The following SHISA9 variants were observed in gnomAD, a reference collection of about 807,000 sequenced individuals.
SHISA9 encodes protein shisa-9.
A neutral mutation model predicts 38.0 loss-of-function variants in SHISA9; 13 were observed. The observed-to-expected ratio is 0.34, with a 90% CI of 0.22 to 0.54. SHISA9 has a LOEUF of 0.54. Among genes scored for constraint, SHISA9 ranks in the 20% least tolerant of loss-of-function variants. SHISA9 has a pLI of 0.91. For missense variants in SHISA9, 538 were observed against 575.8 expected, an observed-to-expected ratio of 0.93 and a Z score of 0.67; for synonymous variants, 275 against 242.0, an observed-to-expected ratio of 1.14 and a Z score of -1.27.
At chr16:13,254,302 T>G in the SHISA9 span, among the ~76,000 whole-genome samples, 3 of 152,198 alleles carry the variant, frequency 2.0e-5, no homozygotes, top group Non-Finnish European at 4.4e-5. Context: ...CTCAAGTCTA[T>G]CATCTGGTCC....
chr16:13,380,533 C>T, the SHISA9 span, among the ~76,000 whole-genome samples: 1 of 152,134 alleles, frequency 6.6e-6, no homozygotes, highest in Non-Finnish European at 1.5e-5. Context: ...TTCAAACTAT[C>T]GATCAAGTAT....
chr16:13,366,643 G>A, the SHISA9 span, among the ~76,000 whole-genome samples: 1 of 151,976 alleles, frequency 6.6e-6, no homozygotes, highest in Admixed American at 6.6e-5. Context: ...AGGAGTTTGA[G>A]ACCAGCCTGG....
chr16:13,060,637 CAAAAAAAAAAA>C (rs5815739), intron 2 of SHISA9, among the ~76,000 whole-genome samples: 1 of 86,564 alleles, frequency 1.2e-5, no homozygotes, highest in African/African-American at 4.7e-5. Context: ...GACCCCATCT[CAAAAAAAAAAA>C]AAAAAAAAAA....
At chr16:12,941,416 G>T (rs987542096) in intron 2 of SHISA9, among the ~76,000 whole-genome samples, 1 of 152,074 alleles carries the variant, frequency 6.6e-6, no homozygotes, top group Non-Finnish European at 1.5e-5. Context: ...TATTTGTGGG[G>T]TACATGATAT....
the SHISA9 span, among the ~76,000 whole-genome samples, chr16:13,251,600 G>A: frequency 6.6e-6 from 1 of 152,152 alleles, no homozygotes; most frequent in East Asian, 1.9e-4. Context: ...GCTCCTCAGA[G>A]GGTCCTAGTG....
intron 2 of SHISA9, among the ~76,000 whole-genome samples, chr16:13,053,360 A>G (rs2073274496): frequency 6.6e-6 from 1 of 151,862 alleles, no homozygotes; most frequent in Non-Finnish European, 1.5e-5. Flanking sequence ...TTTCATTTCC[A>G]TTACCTCCAG....
the SHISA9 span, among the ~76,000 whole-genome samples, chr16:13,382,855 C>G: frequency 6.6e-6 from 1 of 152,016 alleles, no homozygotes; most frequent in African/African-American, 2.4e-5. Flanking sequence ...GAGACTCTGT[C>G]TTAAAACAAA....
chr16:13,176,464 C>T (rs1442976451), intron 2 of SHISA9, among the ~76,000 whole-genome samples: 1 of 152,240 alleles, frequency 6.6e-6, no homozygotes, highest in African/African-American at 2.4e-5. Context: ...CTCTTTAGAA[C>T]CTGGATCTTA....
intron 2 of SHISA9, among the ~76,000 whole-genome samples, chr16:12,976,517 A>G (rs2072163879): frequency 6.6e-6 from 1 of 152,138 alleles, no homozygotes; most frequent in Non-Finnish European, 1.5e-5. Context: ...ACTAATTCCT[A>G]TTCCGCTCCT....
intron 2 of SHISA9, among the ~76,000 whole-genome samples, chr16:12,940,437 C>G (rs2141756588): frequency 6.8e-6 from 1 of 147,838 alleles, no homozygotes; most frequent in East Asian, 2.1e-4. Context: ...AATGACCCCC[C>G]ATCTCTCTCT....
chr16:12,963,681 T>C (rs2071940285), intron 2 of SHISA9, among the ~76,000 whole-genome samples: 1 of 152,226 alleles, frequency 6.6e-6, no homozygotes, highest in Non-Finnish European at 1.5e-5. Context: ...AGGGATTATA[T>C]AACTGGCTTA....
At chr16:12,947,973 T>C (rs2071708646) in intron 2 of SHISA9, among the ~76,000 whole-genome samples, 1 of 152,176 alleles carries the variant, frequency 6.6e-6, no homozygotes, top group Non-Finnish European at 1.5e-5. Flanking sequence ...TGGATCACAT[T>C]TGAGAAAGCA....
chr16:13,511,077 A>G, the SHISA9 span, among the ~76,000 whole-genome samples: 1 of 152,228 alleles, frequency 6.6e-6, no homozygotes, highest in Non-Finnish European at 1.5e-5. Context: ...ATCTTGGCTA[A>G]AGACCAAATA....
intron 2 of SHISA9, among the ~76,000 whole-genome samples, chr16:13,003,560 A>C (rs2072552781): frequency 6.6e-6 from 1 of 152,154 alleles, no homozygotes. Flanking sequence ...AACGACAGCA[A>C]ATAATGATGA....
chr16:13,526,994 C>T, the SHISA9 span, among the ~76,000 whole-genome samples: 2 of 152,050 alleles, frequency 1.3e-5, no homozygotes, highest in African/African-American at 4.8e-5. Flanking sequence ...AAGGAAATGC[C>T]CTTTCCCCTT....
chr16:13,373,760 C>CA, the SHISA9 span, among the ~76,000 whole-genome samples: 319 of 119,142 alleles, frequency 2.7e-3, 4 homozygotes, highest in Non-Finnish European at 3.8e-3. Flanking sequence ...GACTCCGTCT[C>CA]AAAAAAAAAA....
the SHISA9 span, among the ~76,000 whole-genome samples, chr16:13,558,310 A>G: frequency 6.6e-6 from 1 of 152,170 alleles, no homozygotes; most frequent in African/African-American, 2.4e-5. Flanking sequence ...AATAAGCTTG[A>G]TGCTGTGCTG....
intron 2 of SHISA9, among the ~76,000 whole-genome samples, chr16:12,923,700 G>A (rs1346173599): frequency 6.6e-6 from 1 of 151,936 alleles, no homozygotes; most frequent in South Asian, 2.1e-4. Flanking sequence ...AATTAGCTGG[G>A]CGTGGTGGTG....
chr16:13,319,427 C>T, the SHISA9 span, among the ~76,000 whole-genome samples: 5 of 152,176 alleles, frequency 3.3e-5, no homozygotes, highest in African/African-American at 7.2e-5. Context: ...ATATATTAGT[C>T]GTCAAAGTGA....
Sources: allele counts gnomAD v4.1 joint callset (sites outside exome capture counted in the v4.1 genomes callset), GRCh38; gene constraint gnomAD v4.1.1; transcripts MANE v1.5; gene names NCBI Gene and HGNC (gene_info 2026-07-23, HGNC 2026-07-21).